Variants in TTLL11 observed in about 807,000 individuals in gnomAD.
The protein encoded by TTLL11 is tubulin tyrosine ligase like 11.
In TTLL11, 42 loss-of-function variants were observed where a neutral mutation model predicts 51.7. The ratio of observed to expected loss-of-function variants is 0.81; its 90% CI spans 0.64 to 1.05. TTLL11 has a LOEUF of 1.05. Among genes scored for constraint, TTLL11 ranks in the 50% least tolerant of loss-of-function variants. The probability of loss-of-function intolerance (pLI) is 0.00; values close to 1 mark genes in which losing one functional copy is unlikely to be tolerated. For synonymous variants in TTLL11, 381 were observed against 383.5 expected (o/e 0.99, Z 0.08); for missense variants, 799 against 940.4 (o/e 0.85, Z 1.97).
At chr9:121,930,283 A>T (rs1171511886) in intron 6 of TTLL11, among the ~76,000 whole-genome samples, 1 of 152,226 alleles carries the variant, frequency 6.6e-6, no homozygotes, top group African/African-American at 2.4e-5. Context: ...AACATGCAGT[A>T]TCAGTAACTG....
At position 121,826,217 on chromosome 9, in the gene TTLL11, T is replaced by TATATACAC. The variant is rs1491163835; in HGVS notation, c.1841-3339_1841-3338insGTGTATAT. ...ATATATATATATATATATATATATA[T>TATATACAC]GCACACATATATATATACACGCACA... On this transcript the variant is annotated intron_variant, in intron 8 of 8. Transcript: ENST00000321582. 1.5e-3 allele frequency among the ~76,000 whole-genome samples: 89 copies of TATATACAC among 58,094 alleles called. 3 individuals carry two copies. Among genetic ancestry groups the TATATACAC allele is most frequent in the South Asian group, 5.5e-3 (7 of 1,278 alleles). 38.1% of individuals were successfully genotyped at this position (58,094 alleles called of 152,430 possible).
intron 3 of TTLL11, among the ~76,000 whole-genome samples, chr9:122,000,564 C>A (rs775703576): frequency 6.8e-6 from 1 of 146,450 alleles, no homozygotes; most frequent in Non-Finnish European, 1.5e-5. Context: ...AAGATGGCAA[C>A]AAGAGTGACC....
At chr9:122,047,034 C>T (rs1294270829) in intron 1 of TTLL11, among the ~76,000 whole-genome samples, 1 of 152,092 alleles carries the variant, frequency 6.6e-6, no homozygotes, top group African/African-American at 2.4e-5. Flanking sequence ...TCAAAGGTAT[C>T]ACTATAAACC....
chr9:122,021,607 T>C lies in TTLL11; in HGVS notation c.693+10116A>G, dbSNP rs142282841. Among the ~76,000 whole-genome samples the C allele has an allele frequency of 2.1e-3, 324 of 152,262 alleles. 3 individuals are homozygous for C. Among genetic ancestry groups the C allele is most frequent in the Non-Finnish European group, 9.7e-4 (66 of 68,028 alleles). On this transcript the variant is annotated intron_variant, in intron 3 of 8. Coordinates refer to ENST00000321582, the MANE Select transcript of TTLL11 (RefSeq NM_001139442.2). ...AGACTGTTGCTTGAGTAGTGAGGAA[T>C]AGTAAGCCTTAGACTGAGTACCACT...
chr9:121,842,062 T>C (rs1315118886), intron 8 of TTLL11, among the ~76,000 whole-genome samples: 1 of 152,108 alleles, frequency 6.6e-6, no homozygotes, highest in African/African-American at 2.4e-5. Context: ...TTTCATCACA[T>C]ATTTGTGGAC....
intron 3 of TTLL11, among the ~76,000 whole-genome samples, chr9:122,003,775 G>A (rs902917864): frequency 3.3e-5 from 5 of 150,616 alleles, no homozygotes; most frequent in East Asian, 2.0e-4. Flanking sequence ...ATGAGCCACC[G>A]CACCCAGCTG....
At chr9:122,030,648 G>T (rs1204432125) in intron 3 of TTLL11, among the ~76,000 whole-genome samples, 1 of 152,164 alleles carries the variant, frequency 6.6e-6, no homozygotes, top group Middle Eastern at 3.4e-3. Flanking sequence ...TGGGCTGGGC[G>T]TGGTGGCTCA....
Position 122,030,205 on chromosome 9 carries a change from G to T in TTLL11, c.693+1518C>A, listed in dbSNP as rs570089124. ...CAGAGCCACAGAAGAGAGACATTGGGGGGGGGGGGGTAATTATGAGGAACA... is the reference window on the plus strand; with the variant it reads ...CAGAGCCACAGAAGAGAGACATTGGTGGGGGGGGGGTAATTATGAGGAACA... On this transcript the variant is annotated intron_variant, in intron 3 of 8. Coordinates refer to ENST00000321582, the MANE Select transcript of TTLL11 (RefSeq NM_001139442.2). Among the ~76,000 whole-genome samples, 32 of 126,294 alleles carry T rather than the reference G, an allele frequency of 2.5e-4. 1 individual carries two copies. The highest frequency in any genetic ancestry group is 5.6e-4 in the African/African-American group (16 of 28,812). 82.9% of individuals were successfully genotyped at this position (126,294 alleles called of 152,430 possible). A position where few individuals can be genotyped will look rare whatever the true frequency, so the allele number is the denominator to read the frequency against.
intron 6 of TTLL11, among the ~76,000 whole-genome samples, chr9:121,934,888 T>TGTTTGTTG (rs1236136592): frequency 6.6e-6 from 1 of 152,234 alleles, no homozygotes; most frequent in African/African-American, 2.4e-5. Context: ...TTTGTTTGTT[T>TGTTTGTTG]TAAACTTTGA....
chr9:122,030,526 C>T (rs1844505117), intron 3 of TTLL11, among the ~76,000 whole-genome samples: 1 of 152,142 alleles, frequency 6.6e-6, no homozygotes. Context: ...TTAAACCTTA[C>T]TTCTCAAGCA....
At chr9:121,944,897 C>G (rs1319039667) in intron 6 of TTLL11, among the ~76,000 whole-genome samples, 1 of 152,170 alleles carries the variant, frequency 6.6e-6, no homozygotes, top group African/African-American at 2.4e-5. Flanking sequence ...CCACACTGCT[C>G]TGGGCACCAT....
chr9:122,039,419 A>G (rs1588229899), intron 1 of TTLL11, 51 bp from the exon 2 acceptor site: 1 of 1,414,770 alleles, frequency 7.1e-7, no homozygotes, highest in South Asian at 1.2e-5. Flanking sequence ...AGCAGTGACC[A>G]CACTGAGTAT....
chr9:121,945,392 G>A (rs1395171747), intron 6 of TTLL11, among the ~76,000 whole-genome samples: 1 of 152,204 alleles, frequency 6.6e-6, no homozygotes, highest in African/African-American at 2.4e-5. Context: ...GGCAAGGGCA[G>A]GAATGGTAGA....
At chr9:121,927,390 G>T (rs1418154713) in intron 6 of TTLL11, among the ~76,000 whole-genome samples, 1 of 152,108 alleles carries the variant, frequency 6.6e-6, no homozygotes, top group Non-Finnish European at 1.5e-5. Flanking sequence ...GATCTTCATG[G>T]TTACTATTTT....
At chr9:121,834,047 G>T (rs1283654025) in intron 8 of TTLL11, among the ~76,000 whole-genome samples, 7 of 152,162 alleles carry the variant, frequency 4.6e-5, no homozygotes, top group African/African-American at 1.7e-4. Flanking sequence ...GGAATCATTG[G>T]TAGGAAATAA....
chr9:121,959,868 A>G (rs1445629408), intron 6 of TTLL11, among the ~76,000 whole-genome samples: 2 of 151,842 alleles, frequency 1.3e-5, no homozygotes, highest in Admixed American at 6.6e-5. Context: ...CTGCTTGCTC[A>G]CTGTGATCTG....
chr9:121,943,653 C>T (rs1385117994), intron 6 of TTLL11, among the ~76,000 whole-genome samples: 5 of 152,190 alleles, frequency 3.3e-5, no homozygotes, highest in Non-Finnish European at 5.9e-5. Context: ...TTTGTTTAAA[C>T]ATCTGTCTCT....
chr9:121,870,728 G>C lies in TTLL11; in HGVS notation c.1502C>G (p.Pro501Arg). The C allele has an allele frequency of 6.5e-7, 1 of 1,548,272 alleles. No homozygotes were observed. Among genetic ancestry groups the C allele is most frequent in the African/African-American group, 1.4e-5 (1 of 73,068 alleles). The change falls in exon 7 of 9, where the codon CCA becomes CGA. Residue 501 changes from proline (P) to arginine (R), a missense_variant. Coordinates refer to ENST00000321582, the MANE Select transcript of TTLL11 (RefSeq NM_001139442.2). ...CAAAGCATCTTCCTTTCCAGCGAAT[G>C]GTTTTTCAAGCTGCTGAGACCTGAA... ...RENQSQQLEKPFAGKEDALDG... is the reference protein window; with the variant it reads ...RENQSQQLEKRFAGKEDALDG...
chr9:121,878,079 C>T (rs962064040), intron 6 of TTLL11, among the ~76,000 whole-genome samples: 6 of 152,208 alleles, frequency 3.9e-5, no homozygotes, highest in African/African-American at 1.2e-4. Context: ...AAAGTCCAGG[C>T]GCTTTCCACG....
Sources: gnomAD v4.1 joint callset for allele counts (sites outside exome capture counted in the v4.1 genomes callset) on GRCh38, gnomAD v4.1.1 for gene constraint, MANE v1.5 for transcripts, NCBI Gene and HGNC (gene_info 2026-07-23, HGNC 2026-07-21) for gene names.